DLGAP1: variants seen among roughly 807,000 people sequenced by gnomAD.
DLGAP1 encodes disks large-associated protein 1.
In DLGAP1, 11 loss-of-function variants were observed where a neutral mutation model predicts 90.8. The ratio of observed to expected loss-of-function variants is 0.12; its 90% CI spans 0.08 to 0.20. The LOEUF is 0.20. DLGAP1 is among the 10% of genes least tolerant of loss of function. The pLI, the probability that DLGAP1 is intolerant of heterozygous loss-of-function variation, is 1.00. For synonymous variants in DLGAP1, 558 were observed against 540.7 expected, an observed-to-expected ratio of 1.03 and a Z score of -0.44; for missense variants, 1,050 against 1,333.8, an observed-to-expected ratio of 0.79 and a Z score of 3.31.
chr18:3,651,473 G>C (rs547280965), intron 7 of DLGAP1, among the ~76,000 whole-genome samples: 155 of 152,250 alleles, frequency 1.0e-3, no homozygotes, highest in Non-Finnish European at 2.0e-3. Context: ...ACCTTGACAC[G>C]CTGAGCACAT....
At position 3,831,024 on chromosome 18, in the gene DLGAP1, G is replaced by A. The variant is rs979621176; in HGVS notation, c.958-16751C>T. Among the ~76,000 whole-genome samples, 17 of 152,306 alleles carry A rather than the reference G, an allele frequency of 1.1e-4. No homozygotes were observed. The South Asian group carries it at 2.1e-3, about 19-fold the overall frequency. ...CTACCAAGGGCAGGGAAGAAACCTC[G>A]CAATGGTTGTGGGCAAACAGGGATC... On this transcript the variant is annotated intron_variant, in intron 4 of 12. Transcript: ENST00000315677.
At chr18:3,658,908 GAC>G (rs1401689728) in intron 7 of DLGAP1, among the ~76,000 whole-genome samples, 4 of 149,474 alleles carry the variant, frequency 2.7e-5, no homozygotes, top group African/African-American at 1.0e-4. Flanking sequence ...CATCAGGGAA[GAC>G]AGGGGTGGCA....
At chr18:3,605,317 T>A (rs1246276116) in intron 7 of DLGAP1, among the ~76,000 whole-genome samples, 1 of 152,220 alleles carries the variant, frequency 6.6e-6, no homozygotes, top group Non-Finnish European at 1.5e-5. Context: ...TGAATGCCTT[T>A]CCTAGTTCTC....
At chr18:4,187,528 A>G (rs2077319224) in intron 1 of DLGAP1, among the ~76,000 whole-genome samples, 1 of 152,172 alleles carries the variant, frequency 6.6e-6, no homozygotes, top group African/African-American at 2.4e-5. Context: ...TTCTTAGTAC[A>G]TTAATATTGT....
At chr18:4,003,297 C>G (rs2074234959) in intron 3 of DLGAP1, among the ~76,000 whole-genome samples, 1 of 152,090 alleles carries the variant, frequency 6.6e-6, no homozygotes, top group African/African-American at 2.4e-5. Flanking sequence ...GTCCAGATCA[C>G]CTGGACATCC....
Position 3,814,235 on chromosome 18 carries a change from A to G in DLGAP1, c.996T>C (p.Gly332=). 2 of 1,613,704 alleles carry G rather than the reference A, an allele frequency of 1.2e-6. No homozygotes were observed. Among genetic ancestry groups the G allele is most frequent in the Non-Finnish European group, 1.7e-6 (2 of 1,179,962 alleles). ...QDEWTGYTPR[G]KDDEIPCRRM... The stretch of plus-strand genomic sequence containing the variant: ...TTCGGCATGGAATTTCATCATCTTT[A>G]CCTCGTGGGGTGTACCCTGTCCATT... The change falls in exon 5 of 13, where the codon GGT becomes GGC. Residue 332 remains glycine, a synonymous_variant. Transcript: ENST00000315677.
chr18:4,130,472 C>T (rs190430295), intron 2 of DLGAP1, among the ~76,000 whole-genome samples: 268 of 152,314 alleles, frequency 1.8e-3, no homozygotes, highest in Non-Finnish European at 3.1e-3. Flanking sequence ...CATTTCAACA[C>T]TTGTAAGTTC....
intron 1 of DLGAP1, among the ~76,000 whole-genome samples, chr18:4,269,291 C>T (rs936063990): frequency 1.3e-5 from 2 of 148,404 alleles, no homozygotes; most frequent in Non-Finnish European, 3.0e-5. Context: ...AAAACTATCA[C>T]AATACCATTC....
In DLGAP1 at chr18:3,499,057, A is replaced by G. The variant is rs2049791152; in HGVS notation, c.*128T>C. On this transcript the variant is annotated 3_prime_UTR_variant, in exon 13 of 13. Coordinates refer to ENST00000315677, the MANE Select transcript of DLGAP1 (RefSeq NM_004746.4). The surrounding 1 kb of genome is among the most constrained non-coding windows in gnomAD (Gnocchi z 6.4). ...GGCGGCTCCTGCGAGGTGGACAACT[A>G]CACCGCGACAGTGGAAGTCACCGAG... is the stretch of plus-strand genomic sequence containing the variant. 2 of 837,688 alleles carry G rather than the reference A, an allele frequency of 2.4e-6. No homozygotes were observed. The highest frequency in any genetic ancestry group is 1.8e-6 in the Non-Finnish European group (1 of 568,490). The allele number at this position is 837,688 out of a possible 1,614,324, so 51.9% of individuals were successfully genotyped here. A position where few individuals can be genotyped will look rare whatever the true frequency, so the allele number is the denominator to read the frequency against.
At chr18:4,234,953 C>T (rs1598686743) in intron 1 of DLGAP1, among the ~76,000 whole-genome samples, 1 of 152,310 alleles carries the variant, frequency 6.6e-6, no homozygotes, top group South Asian at 2.1e-4. Context: ...CTTCCTTCCT[C>T]CCCTCCCTTG....
In DLGAP1 at chr18:3,647,888, G is replaced by A. The variant is rs1341863293; in HGVS notation, c.1592-65640C>T. The stretch of plus-strand genomic sequence containing the variant: ...AACACAGCCAGGAAGTTATGGCTAC[G>A]AAGTTTGAACCTAGGACTGTCCTAT... On this transcript the variant is annotated intron_variant, in intron 7 of 12. Coordinates refer to ENST00000315677, the MANE Select transcript of DLGAP1 (RefSeq NM_004746.4). Among the ~76,000 whole-genome samples the A allele has an allele frequency of 3.3e-5, 5 of 152,330 alleles. No homozygotes were observed. In the Middle Eastern group the frequency reaches 0.014, roughly 415 times the overall value.
At chr18:3,567,846 A>G (rs2054525833) in intron 8 of DLGAP1, among the ~76,000 whole-genome samples, 1 of 152,204 alleles carries the variant, frequency 6.6e-6, no homozygotes, top group African/African-American at 2.4e-5. Flanking sequence ...ACTTAGACTT[A>G]AGTATCTTAC....
intron 7 of DLGAP1, among the ~76,000 whole-genome samples, chr18:3,710,515 G>A (rs973076883): frequency 6.6e-6 from 1 of 152,142 alleles, no homozygotes; most frequent in South Asian, 2.1e-4. Context: ...CGTCAAGGAC[G>A]GTGTCAATGA....
In DLGAP1 at chr18:4,383,454, C is replaced by G. The variant is rs2082170884; in HGVS notation, c.-267+71552G>C. Reference sequence around the variant, plus strand: ...AATAAAATGGGCATGTAAGATATCTCCCTCTAGTTTACTGGCAGGAGCTTG... The same window carrying G: ...AATAAAATGGGCATGTAAGATATCTGCCTCTAGTTTACTGGCAGGAGCTTG... On this transcript the variant is annotated intron_variant, in intron 1 of 12. Coordinates refer to ENST00000315677, the MANE Select transcript of DLGAP1 (RefSeq NM_004746.4). This position sits in a 1 kb window ranked among gnomAD's most constrained non-coding sequence, Gnocchi z 4.0. Among the ~76,000 whole-genome samples, 1 of 151,966 alleles carries G rather than the reference C, an allele frequency of 6.6e-6. No homozygotes were observed. Among genetic ancestry groups the G allele is most frequent in the South Asian group, 2.1e-4 (1 of 4,816 alleles).
intron 1 of DLGAP1, among the ~76,000 whole-genome samples, chr18:4,429,489 A>C (rs1335096551): frequency 6.6e-6 from 1 of 152,198 alleles, no homozygotes; most frequent in Admixed American, 6.5e-5. Flanking sequence ...TTACAGAAAA[A>C]ATATTGGACT....
intron 2 of DLGAP1, among the ~76,000 whole-genome samples, chr18:4,018,070 C>A (rs2074551614): frequency 6.6e-6 from 1 of 152,178 alleles, no homozygotes; most frequent in East Asian, 1.9e-4. Flanking sequence ...TGGATACTAA[C>A]AACGATTATA....
At chr18:4,428,597 C>T (rs2083209159) in intron 1 of DLGAP1, among the ~76,000 whole-genome samples, 1 of 151,876 alleles carries the variant, frequency 6.6e-6, no homozygotes, top group Non-Finnish European at 1.5e-5. Context: ...AAGTGTGTAG[C>T]ACCTCCCCCG....
At chr18:4,021,976 G>C (rs1352914752) in intron 2 of DLGAP1, among the ~76,000 whole-genome samples, 3 of 152,130 alleles carry the variant, frequency 2.0e-5, no homozygotes, top group Admixed American at 6.5e-5. Flanking sequence ...CTCAACTGCA[G>C]TAACTGTAAG....
intron 3 of DLGAP1, chr18:3,978,288 C>T: frequency 2.5e-6 from 1 of 400,624 alleles, no homozygotes; most frequent in Non-Finnish European, 4.9e-6. Context: ...TGCAAGTGAG[C>T]CTCAGCCTTC....
Sources: allele counts gnomAD v4.1 joint callset (sites outside exome capture counted in the v4.1 genomes callset), GRCh38; gene constraint gnomAD v4.1.1; non-coding constraint Gnocchi (gnomAD v3.1); transcripts MANE v1.5; gene names NCBI Gene and HGNC (gene_info 2026-07-23, HGNC 2026-07-21).